Variants in ING5 observed in about 807,000 individuals in gnomAD.
ING5 encodes inhibitor of growth family member 5, also known as inhibitor of growth protein 5.
Under a neutral mutation model 37.4 loss-of-function variants are expected in ING5, and 17 were observed. The ratio of observed to expected loss-of-function variants is 0.45; its 90% CI spans 0.31 to 0.68. The LOEUF is 0.68. Ranked by LOEUF, ING5 falls within the 30% of genes least tolerant of loss-of-function variation. The probability of loss-of-function intolerance (pLI) is 0.05; values close to 1 mark genes in which losing one functional copy is unlikely to be tolerated. For synonymous variants in ING5, 123 were observed against 116.6 expected, an observed-to-expected ratio of 1.06 and a Z score of -0.36; for missense variants, 233 against 311.9, an observed-to-expected ratio of 0.75 and a Z score of 1.91.
At chr2:241,698,493 AGGAGTGTGTGT>A (rs1198603697), upstream of ING5, among the ~76,000 whole-genome samples, 1 of 108,200 alleles carries the variant, frequency 9.2e-6, no homozygotes, top group African/African-American at 3.5e-5. Flanking sequence ...TTTATAATAG[AGGAGTGTGTGT>A]GTGTGTGTGT....
chr2:241,721,697 G>A lies in ING5; in HGVS notation c.483-1242G>A, dbSNP rs2070441545. ...TATTCGTGGGTTGGAGGGTGGGATA[G>A]GGAAGATACTTTTTCTTTCTGTACT... is the stretch of plus-strand genomic sequence containing the variant. On this transcript the variant is annotated intron_variant, in intron 5 of 7. Coordinates refer to ENST00000313552, the MANE Select transcript of ING5 (RefSeq NM_032329.6). 5.1e-6 allele frequency: 5 copies of A among 985,284 alleles called. No individual in the cohort carries two copies. In the South Asian group the frequency reaches 1.9e-4, roughly 37 times the overall value. The allele number at this position is 985,284 out of a possible 1,614,324, so 61.0% of individuals were successfully genotyped here.
chr2:241,698,496 A>AGTGTGTGTGTGT (rs199798593), upstream of ING5, among the ~76,000 whole-genome samples: 29 of 147,422 alleles, frequency 2.0e-4, no homozygotes, highest in South Asian at 8.8e-4. Context: ...ATAATAGAGG[A>AGTGTGTGTGTGT]GTGTGTGTGT....
intron 5 of ING5, among the ~76,000 whole-genome samples, chr2:241,716,403 A>G (rs893034632): frequency 1.4e-5 from 2 of 146,900 alleles, no homozygotes; most frequent in Non-Finnish European, 3.0e-5. Context: ...AGCGATTCTC[A>G]TGCCTCAGCC....
rs1231670205 is a variant in ING5, at chr2:241,695,013, C to T, written c.43+4360C>T. Among the ~76,000 whole-genome samples, 4 of 144,706 alleles carry T rather than the reference C, an allele frequency of 2.8e-5. No homozygotes were observed. The East Asian group carries it at 6.3e-4, about 23-fold the overall frequency. 94.9% of individuals were successfully genotyped at this position (144,706 alleles called of 152,430 possible). A position where few individuals can be genotyped will look rare whatever the true frequency, so the allele number is the denominator to read the frequency against. On this transcript the variant is annotated intron_variant, in intron 2 of 7. Transcript: ENST00000636051. ...CCAGCCTTGCGACAGAGCAAGACTC[C>T]GTCTCAAAAAAAAAGGACTGGTAAG...
intron 5 of ING5, among the ~76,000 whole-genome samples, chr2:241,713,736 C>T (rs569937626): frequency 7.9e-5 from 12 of 151,648 alleles, no homozygotes; most frequent in African/African-American, 2.2e-4. Flanking sequence ...TGCCTGTAAT[C>T]GCAGCACTTT....
In ING5 at chr2:241,725,102, C is replaced by T; in HGVS notation, c.*71C>T. On this transcript the variant is annotated 3_prime_UTR_variant, in exon 8 of 8. Transcript: ENST00000313552. Reference sequence around the variant, plus strand: ...TCATTCGTGTCGCAATATTTCCCTTCCTTTTAAAACTACCTTGTTCGGTTG... The same window carrying T: ...TCATTCGTGTCGCAATATTTCCCTTTCTTTTAAAACTACCTTGTTCGGTTG... 2 of 1,487,092 alleles carry T rather than the reference C, an allele frequency of 1.3e-6. No homozygotes were observed. Among genetic ancestry groups the T allele is most frequent in the Non-Finnish European group, 1.9e-6 (2 of 1,064,486 alleles). The allele number at this position is 1,487,092 out of a possible 1,614,324, so 92.1% of individuals were successfully genotyped here. A position where few individuals can be genotyped will look rare whatever the true frequency, so the allele number is the denominator to read the frequency against.
At chr2:241,722,589 A>G (rs1402613515) in intron 5 of ING5, 1 of 985,024 alleles carries the variant, frequency 1.0e-6, no homozygotes, top group Non-Finnish European at 1.2e-6. Context: ...ATACTTAATG[A>G]TTTTCTTGCT....
At position 241,726,326 on chromosome 2, in the gene ING5, C is replaced by T. The variant is rs1691621747; in HGVS notation, c.*1295C>T. 1.3e-5 allele frequency: 2 copies of T among 152,204 alleles called. No individual in the cohort carries two copies. The highest frequency in any genetic ancestry group is 2.9e-5 in the Non-Finnish European group (2 of 68,038). The allele number at this position is 152,204 out of a possible 1,614,324, so 9.4% of individuals were successfully genotyped here. ...GCCATTTGGAATGACAGCCTCACTT[C>T]CTTCTGATGGCTACATCTGTATCTT... is the stretch of plus-strand genomic sequence containing the variant. On this transcript the variant is annotated 3_prime_UTR_variant, in exon 8 of 8. Transcript: ENST00000313552.
chr2:241,717,652 G>T, intron 5 of ING5, among the ~76,000 whole-genome samples: 1 of 147,750 alleles, frequency 6.8e-6, no homozygotes. Context: ...GTCTTTCATT[G>T]ATTCTGATGA....
At position 241,725,678 on chromosome 2, in the gene ING5, G is replaced by A. The variant is rs1013900189; in HGVS notation, c.*647G>A. The A allele has an allele frequency of 4.6e-5, 7 of 152,638 alleles. No individual in the cohort carries two copies. The highest frequency in any genetic ancestry group is 1.0e-4 in the Non-Finnish European group (7 of 68,046). 9.5% of individuals were successfully genotyped at this position (152,638 alleles called of 1,614,324 possible). Reference sequence around the variant, plus strand: ...TCGGGGACTCACCTCCGGAGTAAACGGCTCTTCATTAGCTTGGAGTGGCCG... The same window carrying A: ...TCGGGGACTCACCTCCGGAGTAAACAGCTCTTCATTAGCTTGGAGTGGCCG... On this transcript the variant is annotated 3_prime_UTR_variant, in exon 8 of 8. Coordinates refer to ENST00000313552, the MANE Select transcript of ING5 (RefSeq NM_032329.6).
upstream of ING5, among the ~76,000 whole-genome samples, chr2:241,697,975 T>C (rs918797919): frequency 2.3e-4 from 35 of 150,050 alleles, no homozygotes; most frequent in South Asian, 1.7e-3. Context: ...CCCAGCTACT[T>C]GGGAGGCTGA....
At chr2:241,708,848 C>T (rs1201053851) in intron 2 of ING5, among the ~76,000 whole-genome samples, 1 of 152,062 alleles carries the variant, frequency 6.6e-6, no homozygotes, top group African/African-American at 2.4e-5. Flanking sequence ...TGTGTTCTTT[C>T]TTGACTGCTC....
chr2:241,725,103 C>A lies in ING5; in HGVS notation c.*72C>A. ...CATTCGTGTCGCAATATTTCCCTTC[C>A]TTTTAAAACTACCTTGTTCGGTTGA... On this transcript the variant is annotated 3_prime_UTR_variant, in exon 8 of 8. Transcript: ENST00000313552. The A allele has an allele frequency of 6.7e-7, 1 of 1,482,734 alleles. No individual in the cohort carries two copies. The highest frequency in any genetic ancestry group is 9.4e-7 in the Non-Finnish European group (1 of 1,060,650). 91.8% of individuals were successfully genotyped at this position (1,482,734 alleles called of 1,614,324 possible).
At chr2:241,714,530 T>C (rs1413322732) in intron 5 of ING5, among the ~76,000 whole-genome samples, 2 of 152,160 alleles carry the variant, frequency 1.3e-5, no homozygotes, top group African/African-American at 4.8e-5. Context: ...TTCTGATGTG[T>C]CTGTTATGAT....
chr2:241,708,001 G>A (rs536226376), intron 2 of ING5, among the ~76,000 whole-genome samples: 1 of 152,060 alleles, frequency 6.6e-6, no homozygotes, highest in South Asian at 2.1e-4. Context: ...GGGTGCAAGT[G>A]ATTCTCCTGC....
chr2:241,721,541 A>G, intron 5 of ING5: 1 of 985,436 alleles, frequency 1.0e-6, no homozygotes, highest in Non-Finnish European at 1.2e-6. Context: ...TTAGACAGGT[A>G]TCCAAGGAAA....
intron 2 of ING5, 109 bp from the exon 3 acceptor site, chr2:241,709,107 C>T: frequency 8.4e-7 from 1 of 1,189,222 alleles, no homozygotes. Flanking sequence ...TTCATGTCAG[C>T]CTACATCTTT....
intron 2 of ING5, among the ~76,000 whole-genome samples, chr2:241,692,318 T>A (rs2069568508): frequency 6.6e-6 from 1 of 152,080 alleles, no homozygotes. Flanking sequence ...TTTAATTTTT[T>A]TTTCTTTTTA....
At chr2:241,698,080 C>G (rs1281387374), upstream of ING5, among the ~76,000 whole-genome samples, 1 of 102,344 alleles carries the variant, frequency 9.8e-6, no homozygotes, top group Non-Finnish European at 2.1e-5. Flanking sequence ...CAGGCTCCAT[C>G]TCAAAAAAAA....
Sources: allele counts gnomAD v4.1 joint callset (sites outside exome capture counted in the v4.1 genomes callset), GRCh38; gene constraint gnomAD v4.1.1; transcripts MANE v1.5; gene names NCBI Gene and HGNC (gene_info 2026-07-23, HGNC 2026-07-21).